Variants in NRXN2 observed in about 807,000 individuals in gnomAD.
The protein encoded by NRXN2 is neurexin 2.
In NRXN2, 29 loss-of-function variants were observed where a neutral mutation model predicts 128.8. That is an observed-to-expected ratio of 0.23 (90% CI 0.17 to 0.31). The LOEUF is 0.31. Ranked by LOEUF, NRXN2 falls within the 10% of genes least tolerant of loss-of-function variation. The pLI, the probability that NRXN2 is intolerant of heterozygous loss-of-function variation, is 1.00. For synonymous variants in NRXN2, 1,098 were observed against 1,075.2 expected (o/e 1.02, Z -0.41); for missense variants, 1,881 against 2,452.6 (o/e 0.77, Z 4.92).
chr11:64,672,655 C>A (rs1404467280), intron 7 of NRXN2, among the ~76,000 whole-genome samples: 1 of 152,054 alleles, frequency 6.6e-6, no homozygotes, highest in East Asian at 1.9e-4. Context: ...AGCAACTAGT[C>A]TAGGGGAAAG....
chr11:64,692,960 C>A (rs963818125), intron 3 of NRXN2, 84 bp from the exon 4 acceptor site: 11 of 1,185,664 alleles, frequency 9.3e-6, no homozygotes, highest in East Asian at 2.5e-5. Flanking sequence ...AAAGAAAACA[C>A]GAGTCATCAA....
chr11:64,635,495 G>A lies in NRXN2; in HGVS notation c.3404-43C>T. On this transcript the variant is annotated intron_variant, in intron 17 of 22. Coordinates refer to ENST00000265459, the MANE Select transcript of NRXN2 (RefSeq NM_015080.4). The surrounding 1 kb of genome is among the most constrained non-coding windows in gnomAD (Gnocchi z 4.8). The stretch of plus-strand genomic sequence containing the variant: ...GGGAGACAAGAAGAAATGACATCAG[G>A]AGGACGAGGTCAGCAGGTCCTCAGG... 1 of 1,606,406 alleles carries A rather than the reference G, an allele frequency of 6.2e-7. No homozygotes were observed. Among genetic ancestry groups the A allele is most frequent in the Non-Finnish European group, 8.5e-7 (1 of 1,175,506 alleles).
intron 9 of NRXN2, among the ~76,000 whole-genome samples, chr11:64,666,622 G>A (rs1261779933): frequency 6.6e-6 from 1 of 151,796 alleles, no homozygotes; most frequent in African/African-American, 2.4e-5. Context: ...GGAGTGAAGT[G>A]GCACAATCTA....
At chr11:64,643,580 A>C (rs1003707478) in intron 17 of NRXN2, 1 of 100,282 alleles carries the variant, frequency 1.0e-5, no homozygotes, top group African/African-American at 3.7e-5. Context: ...AGAGAGGGAG[A>C]GAGGGAGGGA....
In NRXN2 at chr11:64,648,109, G is replaced by A. The variant is rs2046963295; in HGVS notation, c.3403+110C>T. On this transcript the variant is annotated intron_variant, in intron 17 of 22. Coordinates refer to ENST00000265459, the MANE Select transcript of NRXN2 (RefSeq NM_015080.4). This position sits in a 1 kb window ranked among gnomAD's most constrained non-coding sequence, Gnocchi z 4.1. ...GCAGACAAGGGATGAGAAGGAAGAA[G>A]CAGCACAGCTCCTGAATGCTCAGAG... is the stretch of plus-strand genomic sequence containing the variant. 1.4e-6 allele frequency: 2 copies of A among 1,471,548 alleles called. No individual in the cohort carries two copies. Among genetic ancestry groups the A allele is most frequent in the South Asian group, 1.1e-5 (1 of 87,134 alleles). The allele number at this position is 1,471,548 out of a possible 1,614,324, so 91.2% of individuals were successfully genotyped here. A position where few individuals can be genotyped will look rare whatever the true frequency, so the allele number is the denominator to read the frequency against.
intron 17 of NRXN2, among the ~76,000 whole-genome samples, chr11:64,647,236 T>C (rs1017539945): frequency 1.4e-4 from 21 of 148,794 alleles, no homozygotes; most frequent in African/African-American, 4.3e-4. Flanking sequence ...TGTGTGTGTG[T>C]GCATGTGTGT....
chr11:64,684,357 A>G (rs2052717895), intron 6 of NRXN2, among the ~76,000 whole-genome samples: 1 of 152,102 alleles, frequency 6.6e-6, no homozygotes, highest in Admixed American at 6.6e-5. Flanking sequence ...CTGATTGGGT[A>G]AAGGGATGAT....
At chr11:64,681,861 C>A (rs2052340413) in intron 6 of NRXN2, among the ~76,000 whole-genome samples, 1 of 152,138 alleles carries the variant, frequency 6.6e-6, no homozygotes, top group Admixed American at 6.5e-5. Context: ...AGGGTGTACA[C>A]CATGCCAGAG....
intron 17 of NRXN2, among the ~76,000 whole-genome samples, chr11:64,640,437 T>C (rs1465896348): frequency 1.3e-5 from 2 of 152,174 alleles, no homozygotes; most frequent in Middle Eastern, 3.2e-3. Flanking sequence ...CTTCATGCTT[T>C]GCCTCACTGC....
chr11:64,626,592 C>T (rs371873481), intron 19 of NRXN2, 40 bp from the exon 20 acceptor site: 61 of 1,490,892 alleles, frequency 4.1e-5, no homozygotes, highest in East Asian at 3.4e-4. Flanking sequence ...TCTCAGGCAG[C>T]GAAGTCCAAA....
intron 17 of NRXN2, among the ~76,000 whole-genome samples, chr11:64,644,390 TC>T (rs1360431337): frequency 6.7e-6 from 1 of 148,338 alleles, no homozygotes; most frequent in Non-Finnish European, 1.5e-5. Context: ...CCACTGCCCC[TC>T]CCCCAGCCCC....
chr11:64,702,115 T>G (rs1434881567), intron 2 of NRXN2, among the ~76,000 whole-genome samples: 1 of 118,030 alleles, frequency 8.5e-6, no homozygotes, highest in African/African-American at 3.3e-5. Context: ...CAGCCGCCCG[T>G]CCGGGAGGTA....
Position 64,631,795 on chromosome 11 carries a change from C to G in NRXN2, c.3586-1222G>C, listed in dbSNP as rs1441450711. Among the ~76,000 whole-genome samples the G allele has an allele frequency of 6.6e-6, 1 of 152,112 alleles. No homozygotes were observed. Among genetic ancestry groups the G allele is most frequent in the African/African-American group, 2.4e-5 (1 of 41,394 alleles). On this transcript the variant is annotated intron_variant, in intron 18 of 22. Coordinates refer to ENST00000265459, the MANE Select transcript of NRXN2 (RefSeq NM_015080.4). The surrounding 1 kb of genome is among the most constrained non-coding windows in gnomAD (Gnocchi z 4.8). Reference sequence around the variant, plus strand: ...GGCCTACCTTCAACACCAAAGGCATCTAACCAAGCCAACGAAGGCCCATTA... The same window carrying G: ...GGCCTACCTTCAACACCAAAGGCATGTAACCAAGCCAACGAAGGCCCATTA...
rs558545685 is a variant in NRXN2 at position 64,692,315 on chromosome 11, TA to T, written c.778+531del. ...TGGAAACGGAGAGACCCTACACCTC[TA>T]CTCCCATTTCCCTTCTCGTCATGGA... On this transcript the variant is annotated intron_variant, in intron 4 of 22. Coordinates refer to ENST00000265459, the MANE Select transcript of NRXN2 (RefSeq NM_015080.4). Among the ~76,000 whole-genome samples the T allele has an allele frequency of 3.1e-4, 47 of 152,276 alleles. No homozygotes were observed. In the East Asian group the frequency reaches 9.1e-3, roughly 29 times the overall value.
At position 64,622,537 on chromosome 11, in the gene NRXN2, C is replaced by T. The variant is rs1026836942; in HGVS notation, c.4173+216G>A. ...TGGTCCCTCTAGAAATAGTGGTCAC[C>T]CCCACATCACAAGATCCCTGGTCAT... On this transcript the variant is annotated intron_variant, in intron 21 of 22. Coordinates refer to ENST00000265459, the MANE Select transcript of NRXN2 (RefSeq NM_015080.4). This position sits in a 1 kb window ranked among gnomAD's most constrained non-coding sequence, Gnocchi z 4.3. Among the ~76,000 whole-genome samples the T allele has an allele frequency of 7.2e-5, 11 of 152,208 alleles. No homozygotes were observed. Among genetic ancestry groups the T allele is most frequent in the East Asian group, 3.8e-4 (2 of 5,202 alleles).
intron 14 of NRXN2, among the ~76,000 whole-genome samples, chr11:64,650,949 G>A (rs375907583): frequency 6.6e-6 from 1 of 152,174 alleles, no homozygotes; most frequent in African/African-American, 2.4e-5. Context: ...CTGCTCTGGA[G>A]TGGGGTCCCC....
In NRXN2 at chr11:64,648,763, C is replaced by A. The variant is rs765542853; in HGVS notation, c.3254G>T (p.Arg1085Leu). Reference protein sequence around the residue: ...LPDLIADALHRIGQVERGCDG... With the variant: ...LPDLIADALHLIGQVERGCDG... ...ACAGCCCCTCTCCACCTGCCCAATG[C>A]GGTGCAGGGCGTCGGCGATGAGGTC... The change falls in exon 16 of 23, where the codon CGC becomes CTC. Residue 1085 changes from arginine (R) to leucine (L), a missense_variant. Transcript: ENST00000265459. This position sits in a 1 kb window ranked among gnomAD's most constrained non-coding sequence, Gnocchi z 4.1. 1.9e-6 allele frequency: 3 copies of A among 1,613,984 alleles called. No homozygotes were observed. The highest frequency in any genetic ancestry group is 2.5e-6 in the Non-Finnish European group (3 of 1,180,012).
intron 2 of NRXN2, among the ~76,000 whole-genome samples, chr11:64,704,256 A>G (rs1030318668): frequency 7.9e-5 from 12 of 152,070 alleles, no homozygotes; most frequent in African/African-American, 2.9e-4. Flanking sequence ...CTTGCCTAAC[A>G]TGTCAGGATT....
rs2057120755 is a variant in NRXN2, at chr11:64,713,230, G to A, written c.470C>T (p.Pro157Leu). The change falls in exon 2 of 23, where the codon CCC becomes CTC. Residue 157 changes from proline (P) to leucine (L), a missense_variant. Around this residue, in one of 7 missense-constraint regions of NRXN2, gnomAD observed 997 missense variants for 1,240.8 expected, o/e 0.80. Coordinates refer to ENST00000265459, the MANE Select transcript of NRXN2 (RefSeq NM_015080.4). ...CGTAAGCGCCGAGAGGCGCACGTCGGGCGGGATGCCGCCCACGAACAGGTC... is the reference window on the plus strand; with the variant it reads ...CGTAAGCGCCGAGAGGCGCACGTCGAGCGGGATGCCGCCCACGAACAGGTC... ...ASDLFVGGIP[P>L]DVRLSALTLS... 1.4e-6 allele frequency: 2 copies of A among 1,464,404 alleles called. No individual in the cohort carries two copies. The highest frequency in any genetic ancestry group is 2.4e-5 in the Admixed American group (1 of 42,396). The allele number at this position is 1,464,404 out of a possible 1,614,324, so 90.7% of individuals were successfully genotyped here.
Sources: gnomAD v4.1 joint callset for allele counts (sites outside exome capture counted in the v4.1 genomes callset) on GRCh38, gnomAD v4.1.1 for gene constraint, gnomAD v4.1.1 regional missense constraint, Gnocchi (gnomAD v3.1) non-coding constraint, MANE v1.5 for transcripts, NCBI Gene and HGNC (gene_info 2026-07-23, HGNC 2026-07-21) for gene names.